Variants in DYRK4 observed in about 807,000 individuals in gnomAD.
DYRK4 encodes the protein dual specificity tyrosine phosphorylation regulated kinase 4, also known as dual specificity tyrosine-phosphorylation-regulated kinase 4.
In DYRK4, 64 loss-of-function variants were observed where a neutral mutation model predicts 68.3. That is an observed-to-expected ratio of 0.94 (90% CI 0.77 to 1.15). The LOEUF is 1.15. Ranked by LOEUF, DYRK4 falls within the 50% of genes most tolerant of loss-of-function variation. DYRK4 has a pLI of 0.00. For missense variants in DYRK4, 740 were observed against 764.7 expected (o/e 0.97, Z 0.38); for synonymous variants, 274 against 289.9 (o/e 0.95, Z 0.56).
chr12:4,584,893 G>A (rs1189747368), intron 2 of DYRK4, among the ~76,000 whole-genome samples: 1 of 152,144 alleles, frequency 6.6e-6, no homozygotes, highest in Admixed American at 6.5e-5. Context: ...TTCTATTGGA[G>A]AAGGGTGAGC....
At chr12:4,599,526 C>T (rs999574153) in intron 9 of DYRK4, 181 bp from the exon 10 acceptor site, 27 of 580,866 alleles carry the variant, frequency 4.6e-5, no homozygotes, top group African/African-American at 3.4e-4. Flanking sequence ...TGAGAAACGC[C>T]GACCACAAGT....
intron 1 of DYRK4, among the ~76,000 whole-genome samples, chr12:4,566,213 T>C (rs61731953): frequency 1.3e-4 from 20 of 152,202 alleles, no homozygotes; most frequent in African/African-American, 4.8e-4. Flanking sequence ...CTTCGTGATA[T>C]TGCCAGAGAA....
At chr12:4,574,906 TG>T (rs1043864646) in intron 2 of DYRK4, among the ~76,000 whole-genome samples, 1 of 152,132 alleles carries the variant, frequency 6.6e-6, no homozygotes, top group African/African-American at 2.4e-5. Context: ...TTAGTAGAAA[TG>T]GGGTTTCACC....
At chr12:4,579,260 G>A (rs188298207) in intron 2 of DYRK4, among the ~76,000 whole-genome samples, 9 of 152,044 alleles carry the variant, frequency 5.9e-5, no homozygotes, top group Non-Finnish European at 8.8e-5. Context: ...GTGACAGAGC[G>A]AGATGCCGTC....
In DYRK4 at chr12:4,584,552, C is replaced by CTTTTTTTTTT. The variant is rs35018398; in HGVS notation, c.133-4373_133-4364dup. 1.9e-5 allele frequency among the ~76,000 whole-genome samples: 2 copies of CTTTTTTTTTT among 103,884 alleles called. 1 individual carries two copies. The highest frequency in any genetic ancestry group is 7.2e-5 in the African/African-American group (2 of 27,920). The allele number at this position is 103,884 out of a possible 152,430, so 68.2% of individuals were successfully genotyped here. ...TTTCCCCCTTCCTTTTCTAATCAGC[C>CTTTTTTTTTT]TTTTTTTTTTTTTTTTTTTTTGAGG... is the stretch of plus-strand genomic sequence containing the variant. On this transcript the variant is annotated intron_variant, in intron 2 of 14. Coordinates refer to ENST00000543431, the MANE Select transcript of DYRK4 (RefSeq NM_001394779.1).
At chr12:4,565,539 C>T (rs143125395) in intron 1 of DYRK4, among the ~76,000 whole-genome samples, 1,804 of 152,248 alleles carry the variant, frequency 0.012, 41 homozygotes, top group African/African-American at 0.04. Flanking sequence ...CTCAGCGTTT[C>T]CTTCAGTGTT....
Position 4,613,380 on chromosome 12 carries a change from A to T in DYRK4, c.1667-135A>T, listed in dbSNP as rs998262042. The T allele has an allele frequency of 1.8e-6, 2 of 1,132,128 alleles. No individual in the cohort carries two copies. Among genetic ancestry groups the T allele is most frequent in the Non-Finnish European group, 2.5e-6 (2 of 809,434 alleles). The allele number at this position is 1,132,128 out of a possible 1,614,324, so 70.1% of individuals were successfully genotyped here. A position where few individuals can be genotyped will look rare whatever the true frequency, so the allele number is the denominator to read the frequency against. On this transcript the variant is annotated intron_variant, in intron 14 of 14. Coordinates refer to ENST00000543431, the MANE Select transcript of DYRK4 (RefSeq NM_001394779.1). This position sits in a 1 kb window ranked among gnomAD's most constrained non-coding sequence, Gnocchi z 4.0. Reference sequence around the variant, plus strand: ...CTTAGAATAATGCCCGGCACATTGGAGGTGCTTTACAAATGAACTGTTTTT... The same window carrying T: ...CTTAGAATAATGCCCGGCACATTGGTGGTGCTTTACAAATGAACTGTTTTT...
rs1468794645 is a variant in DYRK4 at position 4,593,008 on chromosome 12, T to A, written c.470T>A (p.Leu157Gln). ...QKVTLTAAEALKLFKNQLSPY... is the reference protein window; with the variant it reads ...QKVTLTAAEAQKLFKNQLSPY... ...TGTAGTGTTTTTCACACAGAGGCCC[T>A]AAAGCTTTTTAAGAACCAGCTGTCT... The change falls in exon 6 of 15, where the codon CTA (leucine) becomes CAA (glutamine). Residue 157 changes from leucine to glutamine, a missense_variant. Leu to Gln is a moderately radical substitution (Grantham distance 113). This residue lies in a region of DYRK4 where 614 missense variants were observed against 603.7 expected (regional missense o/e 1.02). Coordinates refer to ENST00000543431, the MANE Select transcript of DYRK4 (RefSeq NM_001394779.1). 6.2e-7 allele frequency: 1 copy of A among 1,613,884 alleles called. No homozygotes were observed.
intron 1 of DYRK4, among the ~76,000 whole-genome samples, chr12:4,566,020 T>C (rs781415731): frequency 6.6e-6 from 1 of 152,222 alleles, no homozygotes; most frequent in East Asian, 1.9e-4. Context: ...TTTGTGTTCA[T>C]TTTTGCCCAA....
At chr12:4,574,888 G>T (rs4766252) in intron 2 of DYRK4, among the ~76,000 whole-genome samples, 72,277 of 151,916 alleles carry the variant, frequency 0.48, 17,452 homozygotes, top group Middle Eastern at 0.55. Context: ...CAACTAATTT[G>T]TGTATTTTTA....
chr12:4,599,875 C>T (rs2137384093), intron 10 of DYRK4, 87 bp downstream of exon 10: 7 of 1,120,738 alleles, frequency 6.2e-6, no homozygotes, highest in South Asian at 4.0e-5. Context: ...TTCTAGGCTG[C>T]GCTCAGCTGT....
chr12:4,580,663 T>A (rs1944832487), intron 2 of DYRK4, among the ~76,000 whole-genome samples: 1 of 152,128 alleles, frequency 6.6e-6, no homozygotes, highest in African/African-American at 2.4e-5. Context: ...CCTCCCTGCA[T>A]GAATGCATTT....
intron 2 of DYRK4, among the ~76,000 whole-genome samples, chr12:4,587,678 G>A (rs984093468): frequency 3.3e-5 from 5 of 152,166 alleles, no homozygotes; most frequent in Non-Finnish European, 5.9e-5. Context: ...CATGCCCCAT[G>A]TTCTATGCAA....
At chr12:4,602,219 T>C in intron 10 of DYRK4, 2 of 998,006 alleles carry the variant, frequency 2.0e-6, no homozygotes, top group Non-Finnish European at 3.2e-6. Flanking sequence ...TCAATCTGCT[T>C]TGCTTGCTGA....
In DYRK4 at chr12:4,613,740, C is replaced by G. The variant is rs1034092114; in HGVS notation, c.1892C>G (p.Pro631Arg). 5.7e-6 allele frequency: 9 copies of G among 1,566,214 alleles called. No homozygotes were observed. Among genetic ancestry groups the G allele is most frequent in the Non-Finnish European group, 7.8e-6 (9 of 1,148,632 alleles). The part of the protein sequence containing the change: ...NFSLKNTNVL[P>R]PIV ...TCCCTCAAGAACACAAACGTTTTACCCCCTATTGTATGACCTTTGCTGAGG... is the reference window on the plus strand; with the variant it reads ...TCCCTCAAGAACACAAACGTTTTACGCCCTATTGTATGACCTTTGCTGAGG... The change falls in exon 15 of 15, where the codon CCC becomes CGC. Residue 631 changes from proline (P) to arginine (R), a missense_variant. Pro to Arg is a moderately radical substitution (Grantham distance 103, BLOSUM62 -2). Around this residue, in one of 3 missense-constraint regions of DYRK4, gnomAD observed 614 missense variants for 603.7 expected, o/e 1.02. Coordinates refer to ENST00000543431, the MANE Select transcript of DYRK4 (RefSeq NM_001394779.1). The surrounding 1 kb of genome is among the most constrained non-coding windows in gnomAD (Gnocchi z 4.0).
Position 4,599,166 on chromosome 12 carries a change from C to G in DYRK4, c.1044C>G (p.Pro348=). Residue 348 remains proline (P), a splice_region_variant and synonymous_variant, in exon 9 of 15, where the codon CCC becomes CCG. Transcript: ENST00000543431. Reference sequence around the variant, plus strand: ...AAATCATTCACTGTGATCTCAAGCCCGTGAGTACCATCTCCGTCCTGCCAT... The same window carrying G: ...AAATCATTCACTGTGATCTCAAGCCGGTGAGTACCATCTCCGTCCTGCCAT... The part of the protein sequence containing the change: ...VEKIIHCDLK[P]ENIVLYQKGQ... 6.2e-7 allele frequency: 1 copy of G among 1,613,680 alleles called. No homozygotes were observed. The highest frequency in any genetic ancestry group is 8.5e-7 in the Non-Finnish European group (1 of 1,179,948).
At chr12:4,590,645 C>T in intron 4 of DYRK4, 1 of 1,110,796 alleles carries the variant, frequency 9.0e-7, no homozygotes, top group East Asian at 3.1e-5. Context: ...AATGGGCCCT[C>T]TCTAGAGCTG....
chr12:4,585,147 A>G (rs1011053196), intron 2 of DYRK4, among the ~76,000 whole-genome samples: 9 of 152,170 alleles, frequency 5.9e-5, no homozygotes, highest in Non-Finnish European at 1.5e-5. Context: ...GGGAGACCCC[A>G]GGGAATCCCG....
At chr12:4,587,788 G>T (rs1944912176) in intron 2 of DYRK4, among the ~76,000 whole-genome samples, 1 of 152,296 alleles carries the variant, frequency 6.6e-6, no homozygotes, top group Admixed American at 6.5e-5. Flanking sequence ...TAGCTGTGCT[G>T]GATGATATTA....
Sources: allele counts gnomAD v4.1 joint callset (sites outside exome capture counted in the v4.1 genomes callset), GRCh38; gene constraint gnomAD v4.1.1; regional missense constraint gnomAD v4.1.1; non-coding constraint Gnocchi (gnomAD v3.1); transcripts MANE v1.5; gene names NCBI Gene and HGNC (gene_info 2026-07-23, HGNC 2026-07-21).